Variants in SUN1 observed in about 807,000 individuals in gnomAD.
SUN1 encodes SUN domain-containing protein 1.
A neutral mutation model predicts 103.2 loss-of-function variants in SUN1; 61 were observed. That is an observed-to-expected ratio of 0.59 (90% confidence interval 0.48 to 0.73). The LOEUF (loss-of-function observed/expected upper bound fraction) is 0.73. Among genes scored for constraint, SUN1 ranks in the 30% least tolerant of loss-of-function variants. SUN1 has a pLI of 0.00. For missense variants in SUN1, 1,052 were observed against 1,034.6 expected (o/e 1.02, Z -0.23); for synonymous variants, 490 against 425.7 (o/e 1.15, Z -1.86).
chr7:853,088 C>T lies in SUN1; in HGVS notation c.1053+136C>T. 4 of 1,178,762 alleles carry T rather than the reference C, an allele frequency of 3.4e-6. No homozygotes were observed. In the East Asian group the frequency reaches 1.0e-4, roughly 30 times the overall value. 73.0% of individuals were successfully genotyped at this position (1,178,762 alleles called of 1,614,324 possible). A position where few individuals can be genotyped will look rare whatever the true frequency, so the allele number is the denominator to read the frequency against. On this transcript the variant is annotated intron_variant, in intron 9 of 18. Coordinates refer to ENST00000401592, the MANE Select transcript of SUN1 (RefSeq NM_001130965.3). ...ATTTTTAAATGTCAGATAAGCAAGTCTTTGGAGCTCCTTAAGTGTTCTAGG... is the reference window on the plus strand; with the variant it reads ...ATTTTTAAATGTCAGATAAGCAAGTTTTTGGAGCTCCTTAAGTGTTCTAGG...
intron 5 of SUN1, among the ~76,000 whole-genome samples, chr7:845,218 G>C (rs542565481): frequency 6.6e-6 from 1 of 152,322 alleles, no homozygotes; most frequent in East Asian, 1.9e-4. Context: ...CCTTGCGTTT[G>C]AGTGTATCTT....
upstream of SUN1, among the ~76,000 whole-genome samples, chr7:828,170 T>C (rs139969212): frequency 0.011 from 1,594 of 150,898 alleles, 17 homozygotes; most frequent in Middle Eastern, 0.025. Context: ...TCCCAAAGTG[T>C]TGGGATTACA....
At chr7:831,434 G>A (rs914724386), upstream of SUN1, among the ~76,000 whole-genome samples, 32 of 152,068 alleles carry the variant, frequency 2.1e-4, no homozygotes, top group African/African-American at 7.5e-4. Context: ...ACCACGCCTG[G>A]CTAATTTTTG....
rs1475802775 is a variant in SUN1, at chr7:842,910, T to G, written c.452-296T>G. ...GAGGCTTGTGCCTTGCTGAGCGGGCTGTGAGAAGATAGATGGGCTTTCCTC... is the reference window on the plus strand; with the variant it reads ...GAGGCTTGTGCCTTGCTGAGCGGGCGGTGAGAAGATAGATGGGCTTTCCTC... On this transcript the variant is annotated intron_variant, in intron 3 of 18. Transcript: ENST00000401592. 9.1e-6 allele frequency: 5 copies of G among 546,496 alleles called. No homozygotes were observed. The African/African-American group carries it at 9.6e-5, about 10-fold the overall frequency. The allele number at this position is 546,496 out of a possible 1,614,324, so 33.9% of individuals were successfully genotyped here. A position where few individuals can be genotyped will look rare whatever the true frequency, so the allele number is the denominator to read the frequency against.
Position 873,431 on chromosome 7 carries a change from G to A in SUN1, c.*100G>A. 2 of 1,117,244 alleles carry A rather than the reference G, an allele frequency of 1.8e-6. No individual in the cohort carries two copies. The highest frequency in any genetic ancestry group is 2.6e-6 in the Non-Finnish European group (2 of 758,982). The allele number at this position is 1,117,244 out of a possible 1,614,324, so 69.2% of individuals were successfully genotyped here. A position where few individuals can be genotyped will look rare whatever the true frequency, so the allele number is the denominator to read the frequency against. ...AGGGCATATACAATGATGGGACAGT[G>A]CCACACTCCTTCAATAAACGTGGCT... On this transcript the variant is annotated 3_prime_UTR_variant, in exon 19 of 19. Coordinates refer to ENST00000401592, the MANE Select transcript of SUN1 (RefSeq NM_001130965.3).
At chr7:829,914 C>T (rs758289688), upstream of SUN1, among the ~76,000 whole-genome samples, 10 of 152,152 alleles carry the variant, frequency 6.6e-5, no homozygotes, top group Non-Finnish European at 1.2e-4. Context: ...TCAAAATAAC[C>T]GCAGCTGACG....
intron 3 of SUN1, chr7:842,367 C>T: frequency 1.9e-6 from 1 of 539,178 alleles, no homozygotes. Context: ...TCCATGTGCG[C>T]CTTGTCGGGT....
intron 11 of SUN1, among the ~76,000 whole-genome samples, chr7:855,977 C>T (rs1162670425): frequency 3.9e-5 from 6 of 152,204 alleles, no homozygotes; most frequent in Admixed American, 1.3e-4. Context: ...TGGTGCTCAG[C>T]GTGGTGCTGC....
intron 16 of SUN1, 44 bp from the exon 17 acceptor site, chr7:869,305 G>C: frequency 6.3e-7 from 1 of 1,594,240 alleles, no homozygotes; most frequent in Non-Finnish European, 8.6e-7. Flanking sequence ...AAGTGGGTAA[G>C]AGCATGCTCA....
intron 1 of SUN1, among the ~76,000 whole-genome samples, chr7:838,132 AG>A (rs1805315111): frequency 6.6e-6 from 1 of 152,252 alleles, no homozygotes; most frequent in South Asian, 2.1e-4. Flanking sequence ...AGCTCACTGC[AG>A]CCTCAAACTC....
chr7:833,863 G>A (rs988907677), intron 1 of SUN1, among the ~76,000 whole-genome samples: 1 of 152,248 alleles, frequency 6.6e-6, no homozygotes, highest in Non-Finnish European at 1.5e-5. Flanking sequence ...CGTGCAGCAT[G>A]AAACAGTGAT....
chr7:848,244 G>A (rs186305924), intron 5 of SUN1, among the ~76,000 whole-genome samples: 15 of 152,272 alleles, frequency 9.9e-5, no homozygotes, highest in African/African-American at 2.4e-4. Context: ...GGGTTGCTCC[G>A]CAGCACCCTC....
At position 870,951 on chromosome 7, in the gene SUN1, C is replaced by T. The variant is rs559400820; in HGVS notation, c.2148+1435C>T. ...CGTTGCCCAGGCTGGAATGCAGTGGCGCGATTTCAGCTCACCACAATCTCC... is the reference window on the plus strand; with the variant it reads ...CGTTGCCCAGGCTGGAATGCAGTGGTGCGATTTCAGCTCACCACAATCTCC... On this transcript the variant is annotated intron_variant, in intron 17 of 18. Transcript: ENST00000401592. Among the ~76,000 whole-genome samples, 75 of 142,608 alleles carry T rather than the reference C, an allele frequency of 5.3e-4. No homozygotes were observed. In the Middle Eastern group the frequency reaches 0.019, roughly 36 times the overall value. The allele number at this position is 142,608 out of a possible 152,430, so 93.6% of individuals were successfully genotyped here.
chr7:847,948 G>T (rs1393094144), intron 5 of SUN1, among the ~76,000 whole-genome samples: 1 of 150,052 alleles, frequency 6.7e-6, no homozygotes, highest in South Asian at 2.1e-4. Flanking sequence ...TCCCCTGGGG[G>T]TTACCCCGCA....
chr7:853,269 G>A (rs1037030202), intron 9 of SUN1, 140 bp from the exon 10 acceptor site: 11 of 961,602 alleles, frequency 1.1e-5, no homozygotes, highest in African/African-American at 3.3e-5. Context: ...CTGATACTCC[G>A]GGTTTCTGTG....
chr7:869,624 C>T, intron 17 of SUN1, 108 bp downstream of exon 17: 1 of 1,320,754 alleles, frequency 7.6e-7, no homozygotes, highest in East Asian at 2.4e-5. Flanking sequence ...CGCTGCCCCT[C>T]CGCCCTCTCT....
chr7:837,967 C>G (rs774757793), intron 1 of SUN1, among the ~76,000 whole-genome samples: 1 of 152,272 alleles, frequency 6.6e-6, no homozygotes, highest in Non-Finnish European at 1.5e-5. Context: ...TGCAGTCTCT[C>G]TCTTGTCCCC....
At chr7:853,237 G>A in intron 9 of SUN1, 172 bp from the exon 10 acceptor site, 2 of 786,872 alleles carry the variant, frequency 2.5e-6, no homozygotes, top group East Asian at 5.4e-5. Flanking sequence ...AGCACCCATA[G>A]TCAGCCATGT....
intron 1 of SUN1, chr7:816,872 G>C (rs1212049807): frequency 6.6e-6 from 1 of 150,688 alleles, no homozygotes; most frequent in African/African-American, 2.4e-5. Flanking sequence ...GCCCGCGCAG[G>C]TGAAGACGCC....
Sources: gnomAD v4.1 joint callset for allele counts (sites outside exome capture counted in the v4.1 genomes callset) on GRCh38, gnomAD v4.1.1 for gene constraint, MANE v1.5 for transcripts, NCBI Gene and HGNC (gene_info 2026-07-23, HGNC 2026-07-21) for gene names.